Variants in ASTN2 observed in about 807,000 individuals in gnomAD.
ASTN2 encodes astrotactin 2.
A neutral mutation model predicts 139.8 loss-of-function variants in ASTN2; 54 were observed. The observed-to-expected ratio is 0.39, with a 90% CI of 0.31 to 0.48. The LOEUF (loss-of-function observed/expected upper bound fraction) is 0.48. ASTN2 is among the 20% of genes least tolerant of loss of function. The pLI is 0.95. For missense variants in ASTN2, 1,565 were observed against 1,725.1 expected (o/e 0.91, Z 1.64); for synonymous variants, 756 against 719.5 (o/e 1.05, Z -0.81).
At chr9:116,982,550 AT>A (rs3038404) in intron 7 of ASTN2, among the ~76,000 whole-genome samples, 10,288 of 150,534 alleles carry the variant, frequency 0.068, 1,049 homozygotes, top group African/African-American at 0.22. Flanking sequence ...GTAATTTGGG[AT>A]TTTTTTTTTA....
At chr9:116,555,583 G>T (rs1376069819) in intron 19 of ASTN2, among the ~76,000 whole-genome samples, 3 of 152,046 alleles carry the variant, frequency 2.0e-5, no homozygotes. Context: ...ACCTCTGGCT[G>T]AAGCTGACCT....
chr9:116,442,610 A>G (rs773764565), intron 20 of ASTN2, 57 bp from the exon 21 acceptor site: 6 of 1,403,600 alleles, frequency 4.3e-6, no homozygotes, highest in Non-Finnish European at 5.1e-6. Flanking sequence ...AGGCCCTGGG[A>G]GTTGCAGGGA....
intron 3 of ASTN2, among the ~76,000 whole-genome samples, chr9:117,184,208 T>C (rs1373049976): frequency 6.6e-6 from 1 of 152,152 alleles, no homozygotes; most frequent in African/African-American, 2.4e-5. Context: ...TCTACCTGAC[T>C]GCCCACCCTC....
intron 16 of ASTN2, among the ~76,000 whole-genome samples, chr9:116,658,229 T>C (rs988493472): frequency 1.3e-5 from 2 of 152,146 alleles, no homozygotes; most frequent in South Asian, 4.1e-4. Context: ...GGAGTGCCAC[T>C]TGGAGAACTT....
intron 6 of ASTN2, among the ~76,000 whole-genome samples, chr9:117,014,850 G>C (rs1837631633): frequency 6.6e-6 from 1 of 152,102 alleles, no homozygotes; most frequent in South Asian, 2.1e-4. Flanking sequence ...GCCAAGGAGA[G>C]AGGCCCCAGA....
At chr9:116,463,908 G>GTT (rs71502069) in intron 20 of ASTN2, among the ~76,000 whole-genome samples, 2,666 of 115,872 alleles carry the variant, frequency 0.023, 119 homozygotes, top group African/African-American at 0.075. Context: ...AGAGTTTTGT[G>GTT]TTTTTTTTTT....
rs540225035 is a variant in ASTN2 at position 116,767,225 on chromosome 9, G to T, written c.2397-33702C>A. On this transcript the variant is annotated intron_variant, in intron 13 of 22. Coordinates refer to ENST00000313400, the MANE Select transcript of ASTN2 (RefSeq NM_001365068.1). The stretch of plus-strand genomic sequence containing the variant: ...ATGAGGCCTGAAGAATTGACTCAAT[G>T]GGAACCCGCCCCTTCCCTGCCTGCC... 1.1e-4 allele frequency among the ~76,000 whole-genome samples: 16 copies of T among 152,176 alleles called. No homozygotes were observed. The East Asian group carries it at 2.9e-3, about 28-fold the overall frequency.
chr9:116,863,096 A>G (rs535882466), intron 11 of ASTN2, among the ~76,000 whole-genome samples: 45 of 152,236 alleles, frequency 3.0e-4, no homozygotes, highest in African/African-American at 1.1e-3. Flanking sequence ...TCCCTAATGT[A>G]AGTTGACTCA....
At position 116,825,328 on chromosome 9, in the gene ASTN2, C is replaced by G. The variant is rs181346160; in HGVS notation, c.2041-4545G>C. 4.2e-4 allele frequency among the ~76,000 whole-genome samples: 64 copies of G among 152,284 alleles called. 1 individual carries two copies. Among genetic ancestry groups the G allele is most frequent in the Non-Finnish European group, 1.0e-4 (7 of 68,030 alleles). ...CTGAAGACTGTATGAGAAAACACTT[C>G]TAAAGTATCTGGCTTTAGACCTGGT... On this transcript the variant is annotated intron_variant, in intron 11 of 22. Transcript: ENST00000313400.
rs1489750184 is a variant in ASTN2, at chr9:117,394,769, G to A, written c.442+19728C>T. On this transcript the variant is annotated intron_variant, in intron 1 of 22. Coordinates refer to ENST00000313400, the MANE Select transcript of ASTN2 (RefSeq NM_001365068.1). ...TGAAGTGTAGGCAAAGGAACTGTGAGAGAGACAAGCAATAGAGGCGGGTTG... is the reference window on the plus strand; with the variant it reads ...TGAAGTGTAGGCAAAGGAACTGTGAAAGAGACAAGCAATAGAGGCGGGTTG... Among the ~76,000 whole-genome samples the A allele has an allele frequency of 2.0e-5, 3 of 152,224 alleles. No individual in the cohort carries two copies. The East Asian group carries it at 5.8e-4, about 29-fold the overall frequency.
intron 13 of ASTN2, among the ~76,000 whole-genome samples, chr9:116,755,568 C>A (rs1051320496): frequency 6.6e-6 from 1 of 152,188 alleles, no homozygotes; most frequent in African/African-American, 2.4e-5. Context: ...TGATCTTGGA[C>A]TTTTAGCCTC....
At chr9:116,441,162 A>G (rs935964910) in intron 21 of ASTN2, among the ~76,000 whole-genome samples, 16 of 152,118 alleles carry the variant, frequency 1.1e-4, no homozygotes, top group African/African-American at 3.4e-4. Flanking sequence ...GATAATCTCA[A>G]CACCCTCCTT....
At chr9:117,243,117 A>T (rs1164226092) in intron 2 of ASTN2, among the ~76,000 whole-genome samples, 1 of 152,158 alleles carries the variant, frequency 6.6e-6, no homozygotes, top group Non-Finnish European at 1.5e-5. Flanking sequence ...TTCTTTCCTA[A>T]TAAGGAAACT....
chr9:116,841,794 T>C (rs1014355983), intron 11 of ASTN2, among the ~76,000 whole-genome samples: 2 of 152,226 alleles, frequency 1.3e-5, no homozygotes, highest in Non-Finnish European at 2.9e-5. Context: ...GCCTGACAGG[T>C]GCTCACTAAA....
intron 10 of ASTN2, among the ~76,000 whole-genome samples, chr9:116,925,865 C>CACAA (rs538808128): frequency 0.024 from 2,387 of 97,692 alleles, 51 homozygotes; most frequent in African/African-American, 0.057. Context: ...CAACACAACA[C>CACAA]ACACACACAC....
chr9:116,970,099 T>G (rs1004962078), intron 10 of ASTN2, among the ~76,000 whole-genome samples: 6 of 152,240 alleles, frequency 3.9e-5, no homozygotes, highest in Non-Finnish European at 5.9e-5. Context: ...ACTGTGCATG[T>G]CAAATCTCAC....
rs374637484 is a variant in ASTN2, at chr9:117,297,492, GT to G, written c.443-5980del. On this transcript the variant is annotated intron_variant, in intron 1 of 22. Transcript: ENST00000313400. ...TCTCTCTCATGGGCTATTGCAAATG[GT>G]TCTGTGCCAGTCAGGGTCTCATCAG... Among the ~76,000 whole-genome samples, 99 of 152,286 alleles carry G rather than the reference GT, an allele frequency of 6.5e-4. No homozygotes were observed. In the East Asian group the frequency reaches 0.018, roughly 28 times the overall value.
chr9:116,649,702 C>G (rs1203114270), intron 17 of ASTN2, among the ~76,000 whole-genome samples: 2 of 151,916 alleles, frequency 1.3e-5, no homozygotes, highest in Non-Finnish European at 2.9e-5. Context: ...GAATATATAT[C>G]CTGTGCTTTA....
intron 7 of ASTN2, among the ~76,000 whole-genome samples, chr9:116,986,839 G>C (rs938032564): frequency 1.3e-5 from 2 of 152,226 alleles, no homozygotes; most frequent in Non-Finnish European, 2.9e-5. Context: ...CTTTCCAGGA[G>C]AATTAAGTGT....
Sources: gnomAD v4.1 joint callset for allele counts (sites outside exome capture counted in the v4.1 genomes callset) on GRCh38, gnomAD v4.1.1 for gene constraint, MANE v1.5 for transcripts, NCBI Gene and HGNC (gene_info 2026-07-23, HGNC 2026-07-21) for gene names.